GPC5: variants seen among roughly 807,000 people sequenced by gnomAD.
GPC5 encodes glypican-5.
Under a neutral mutation model 53.9 loss-of-function variants are expected in GPC5, and 47 were observed. The observed-to-expected ratio is 0.87, with a 90% confidence interval of 0.69 to 1.11. GPC5 has a LOEUF of 1.11. Ranked by LOEUF, GPC5 falls within the 50% of genes most tolerant of loss-of-function variation. The pLI, the probability that GPC5 is intolerant of heterozygous loss-of-function variation, is 0.00. For synonymous variants in GPC5, 286 were observed against 263.3 expected, an observed-to-expected ratio of 1.09 and a Z score of -0.84; for missense variants, 748 against 713.1, an observed-to-expected ratio of 1.05 and a Z score of -0.56.
At chr13:91,977,341 A>C (rs1397888752) in intron 6 of GPC5, among the ~76,000 whole-genome samples, 1 of 152,234 alleles carries the variant, frequency 6.6e-6, no homozygotes, top group East Asian at 1.9e-4. Flanking sequence ...CACTGTGTGC[A>C]ACACTAAATA....
intron 7 of GPC5, among the ~76,000 whole-genome samples, chr13:92,282,760 A>G (rs2042925660): frequency 6.6e-6 from 1 of 152,198 alleles, no homozygotes; most frequent in South Asian, 2.1e-4. Flanking sequence ...CATGGAAAGG[A>G]ACAAAAGATA....
intron 5 of GPC5, among the ~76,000 whole-genome samples, chr13:91,841,912 T>C (rs1401020406): frequency 6.6e-6 from 1 of 152,172 alleles, no homozygotes; most frequent in Non-Finnish European, 1.5e-5. Flanking sequence ...CTGGACTTAG[T>C]AGTGATTCAC....
chr13:91,568,637 G>T (rs1286836083), intron 2 of GPC5, among the ~76,000 whole-genome samples: 2 of 150,588 alleles, frequency 1.3e-5, no homozygotes, highest in Non-Finnish European at 3.0e-5. Context: ...CAAATATTTT[G>T]TCTTTAAAAT....
At chr13:91,533,229 C>G (rs1261811550) in intron 2 of GPC5, among the ~76,000 whole-genome samples, 1 of 152,078 alleles carries the variant, frequency 6.6e-6, no homozygotes, top group Non-Finnish European at 1.5e-5. Flanking sequence ...GGTGACAGGA[C>G]CCAGGTGAGC....
At chr13:92,740,897 TA>T (rs1437565024) in intron 7 of GPC5, among the ~76,000 whole-genome samples, 290 of 16,152 alleles carry the variant, frequency 0.018, no homozygotes, top group African/African-American at 0.091. Context: ...TTTATTTATT[TA>T]TATATATATA....
chr13:92,514,647 T>C (rs546432949), intron 7 of GPC5, among the ~76,000 whole-genome samples: 1 of 152,214 alleles, frequency 6.6e-6, no homozygotes, highest in East Asian at 1.9e-4. Context: ...ATTTGCCCAA[T>C]CCAGAGCCTG....
chr13:92,569,680 T>G lies in GPC5; in HGVS notation c.1562-296602T>G, dbSNP rs139904537. On this transcript the variant is annotated intron_variant, in intron 7 of 7. Coordinates refer to ENST00000377067, the MANE Select transcript of GPC5 (RefSeq NM_004466.6). ...TCTCCCCTAACAAAGCAAAAGTAAA[T>G]TCTGTTTTGCAAGTCTAGTGCACCA... Among the ~76,000 whole-genome samples the G allele has an allele frequency of 8.0e-4, 121 of 152,194 alleles. 2 individuals are homozygous for G. The highest frequency in any genetic ancestry group is 2.7e-3 in the African/African-American group (111 of 41,528).
chr13:91,806,685 G>A (rs1256125016), intron 5 of GPC5, among the ~76,000 whole-genome samples: 1 of 152,096 alleles, frequency 6.6e-6, no homozygotes, highest in East Asian at 1.9e-4. Context: ...GTGCTCCTGT[G>A]TTTTCCCTTT....
intron 7 of GPC5, among the ~76,000 whole-genome samples, chr13:92,286,868 A>G (rs2042959126): frequency 6.6e-6 from 1 of 152,186 alleles, no homozygotes; most frequent in South Asian, 2.1e-4. Flanking sequence ...CATGTACCCT[A>G]GAACTTAAAA....
intron 2 of GPC5, among the ~76,000 whole-genome samples, chr13:91,561,883 T>C (rs1336218): frequency 0.93 from 142,028 of 152,204 alleles, 66,340 homozygotes; most frequent in East Asian, 1. Flanking sequence ...ACACACCTGG[T>C]TAATGACTGT....
intron 6 of GPC5, among the ~76,000 whole-genome samples, chr13:91,963,877 A>G (rs2040151336): frequency 1.3e-5 from 2 of 152,166 alleles, no homozygotes; most frequent in Non-Finnish European, 2.9e-5. Context: ...TTCGTACAAG[A>G]TGTGATGATA....
chr13:92,250,991 C>G (rs1340527603), intron 7 of GPC5, among the ~76,000 whole-genome samples: 1 of 152,050 alleles, frequency 6.6e-6, no homozygotes, highest in Admixed American at 6.6e-5. Context: ...TACATGAATG[C>G]CTTCAAAGTT....
chr13:91,480,074 G>A (rs1883218852), intron 2 of GPC5, among the ~76,000 whole-genome samples: 1 of 152,134 alleles, frequency 6.6e-6, no homozygotes, highest in Admixed American at 6.5e-5. Context: ...CTTTTGTTGG[G>A]TGTATTTATA....
chr13:91,776,679 C>G (rs1173681472), intron 5 of GPC5, among the ~76,000 whole-genome samples: 2 of 152,128 alleles, frequency 1.3e-5, no homozygotes, highest in East Asian at 3.9e-4. Context: ...GGGCCAGTCC[C>G]TAATAAATTA....
Position 91,830,800 on chromosome 13 carries a change from T to C in GPC5, c.1280+74380T>C, listed in dbSNP as rs2038644441. 1.4e-5 allele frequency among the ~76,000 whole-genome samples: 2 copies of C among 138,786 alleles called. 1 individual carries two copies. Among genetic ancestry groups the C allele is most frequent in the South Asian group, 4.4e-4 (2 of 4,582 alleles). 91.0% of individuals were successfully genotyped at this position (138,786 alleles called of 152,430 possible). ...TAAAATATATATATACTATTATATA[T>C]ATAATATATATCCTATTATATATAA... On this transcript the variant is annotated intron_variant, in intron 5 of 7. Transcript: ENST00000377067.
chr13:91,426,653 A>G (rs1879076700), intron 1 of GPC5, among the ~76,000 whole-genome samples: 2 of 152,198 alleles, frequency 1.3e-5, no homozygotes, highest in Admixed American at 1.3e-4. Flanking sequence ...GTTTGAGGGC[A>G]GGAAGCATCC....
chr13:92,131,393 A>G (rs1230395396), intron 6 of GPC5, among the ~76,000 whole-genome samples: 1 of 152,086 alleles, frequency 6.6e-6, no homozygotes, highest in South Asian at 2.1e-4. Flanking sequence ...GATATGTATA[A>G]GATATTCAAT....
intron 7 of GPC5, among the ~76,000 whole-genome samples, chr13:92,309,739 T>G (rs2043133523): frequency 1.3e-5 from 2 of 152,086 alleles, no homozygotes; most frequent in South Asian, 2.1e-4. Context: ...CTTTAAAAAT[T>G]TTTTATGGTG....
intron 2 of GPC5, among the ~76,000 whole-genome samples, chr13:91,549,439 G>C (rs753590560): frequency 6.6e-6 from 1 of 152,022 alleles, no homozygotes; most frequent in African/African-American, 2.4e-5. Flanking sequence ...CTCTGAAAAA[G>C]ATGATGTCAA....
Sources: allele counts gnomAD v4.1 joint callset (sites outside exome capture counted in the v4.1 genomes callset), GRCh38; gene constraint gnomAD v4.1.1; transcripts MANE v1.5; gene names NCBI Gene and HGNC (gene_info 2026-07-23, HGNC 2026-07-21).